MRPL42: variants seen among roughly 807,000 people sequenced by gnomAD.
MRPL42 encodes the protein mitochondrial ribosomal protein L42, also known as large ribosomal subunit protein mL42.
A neutral mutation model predicts 17.9 loss-of-function variants in MRPL42; 17 were observed. That is an observed-to-expected ratio of 0.95 (90% CI 0.65 to 1.42). MRPL42 has a LOEUF of 1.42. Among genes scored for constraint, MRPL42 ranks in the 40% most tolerant of loss-of-function variants. The pLI, the probability that MRPL42 is intolerant of heterozygous loss-of-function variation, is 0.00. For missense variants in MRPL42, 177 were observed against 175.2 expected, an observed-to-expected ratio of 1.01 and a Z score of -0.06; for synonymous variants, 59 against 54.4, an observed-to-expected ratio of 1.08 and a Z score of -0.37.
At chr12:93,479,562 G>T in intron 4 of MRPL42, 90 bp downstream of exon 4, 1 of 674,884 alleles carries the variant, frequency 1.5e-6, no homozygotes. Flanking sequence ...GGAGTCATCT[G>T]ATTTTCTTTG....
intron 3 of MRPL42, 132 bp downstream of exon 3, chr12:93,477,149 A>G: frequency 4.7e-6 from 3 of 641,930 alleles, no homozygotes; most frequent in Non-Finnish European, 7.6e-6. Context: ...TTTAAAAATT[A>G]TTTTAATGAT....
chr12:93,481,782 AC>A (rs1345679535), intron 4 of MRPL42, among the ~76,000 whole-genome samples: 3 of 152,154 alleles, frequency 2.0e-5, no homozygotes, highest in African/African-American at 7.2e-5. Flanking sequence ...ATAGTTAACT[AC>A]CAGTCCCTCT....
intron 4 of MRPL42, among the ~76,000 whole-genome samples, chr12:93,485,007 T>TATATACAC (rs1880662427): frequency 2.3e-4 from 11 of 47,762 alleles, no homozygotes; most frequent in African/African-American, 1.2e-3. Context: ...TATATATATA[T>TATATACAC]ATATATATAT....
At chr12:93,474,821 T>C (rs1880081819) in intron 2 of MRPL42, among the ~76,000 whole-genome samples, 1 of 151,652 alleles carries the variant, frequency 6.6e-6, no homozygotes, top group East Asian at 1.9e-4. Flanking sequence ...CCAGGTGCAG[T>C]GGCTCACACT....
chr12:93,497,744 GAAA>G (rs34441413), intron 5 of MRPL42, among the ~76,000 whole-genome samples: 2 of 142,186 alleles, frequency 1.4e-5, no homozygotes, highest in Admixed American at 7.1e-5. Context: ...AATCAGGCAA[GAAA>G]AAAAAAAAAG....
intron 2 of MRPL42, among the ~76,000 whole-genome samples, chr12:93,470,132 G>A (rs1879838971): frequency 6.6e-6 from 1 of 152,042 alleles, no homozygotes; most frequent in African/African-American, 2.4e-5. Flanking sequence ...TTGGTGGATT[G>A]TCATTGTGTT....
chr12:93,491,253 A>G (rs1953407658), intron 5 of MRPL42, among the ~76,000 whole-genome samples: 2 of 152,232 alleles, frequency 1.3e-5, no homozygotes, highest in Non-Finnish European at 2.9e-5. Context: ...ATAAAATAGA[A>G]GTGTTCTCTA....
At position 93,469,263 on chromosome 12, in the gene MRPL42, C is replaced by A. The variant is rs758085313; in HGVS notation, c.-23C>A. 25 of 1,587,426 alleles carry A rather than the reference C, an allele frequency of 1.6e-5. 1 individual carries two copies. The Middle Eastern group carries it at 1.0e-3, about 64-fold the overall frequency. ...CTTCAGAACATCTTTTTTCATACCA[C>A]TTGATAAGCATCTTGAAACACCATG... On this transcript the variant is annotated 5_prime_UTR_variant, in exon 2 of 6. Coordinates refer to ENST00000549982, the MANE Select transcript of MRPL42 (RefSeq NM_014050.4).
chr12:93,476,857 C>T (rs1029080201), intron 2 of MRPL42, 97 bp from the exon 3 acceptor site: 40 of 1,127,708 alleles, frequency 3.5e-5, no homozygotes, highest in Non-Finnish European at 5.1e-5. Flanking sequence ...TCATACTAAA[C>T]AGTAATGTTG....
At chr12:93,496,891 T>A (rs969864478) in intron 5 of MRPL42, among the ~76,000 whole-genome samples, 1 of 152,050 alleles carries the variant, frequency 6.6e-6, no homozygotes, top group East Asian at 1.9e-4. Flanking sequence ...AGGCTCACTG[T>A]AACCTCCGTC....
rs118058983 is a variant in MRPL42 at position 93,502,803 on chromosome 12, C to A, written c.*1582C>A. 1 of 152,146 alleles carries A rather than the reference C, an allele frequency of 6.6e-6. No individual in the cohort carries two copies. Among genetic ancestry groups the A allele is most frequent in the Non-Finnish European group, 1.5e-5 (1 of 68,016 alleles). The allele number at this position is 152,146 out of a possible 1,614,324, so 9.4% of individuals were successfully genotyped here. On this transcript the variant is annotated 3_prime_UTR_variant, in exon 6 of 6. Transcript: ENST00000549982. ...ATGATTATGAAGATTTTCTTCTCTT[C>A]CGAGTACAAAGCTCTGCTAAATAAG...
In MRPL42 at chr12:93,513,677, C is replaced by T. The variant is rs543712641; in HGVS notation, c.*12456C>T. ...GTTTTTAAATAATTTTTTCTCTTTC[C>T]GTTTTATGTGTGTTCCAATTCTATT... On this transcript the variant is annotated 3_prime_UTR_variant, in exon 6 of 6. Transcript: ENST00000549982. The T allele has an allele frequency of 2.8e-4, 43 of 151,816 alleles. No individual in the cohort carries two copies. The South Asian group carries it at 6.7e-3, about 24-fold the overall frequency. The allele number at this position is 151,816 out of a possible 1,614,324, so 9.4% of individuals were successfully genotyped here. A position where few individuals can be genotyped will look rare whatever the true frequency, so the allele number is the denominator to read the frequency against.
intron 2 of MRPL42, among the ~76,000 whole-genome samples, chr12:93,475,361 C>T (rs1180436165): frequency 2.0e-5 from 3 of 151,984 alleles, no homozygotes; most frequent in African/African-American, 7.2e-5. Context: ...AGTGATCCAC[C>T]TGCCCTGGCC....
chr12:93,479,476 T>A lies in MRPL42; in HGVS notation c.219+4T>A. The A allele has an allele frequency of 1.3e-6, 2 of 1,596,010 alleles. No homozygotes were observed. Among genetic ancestry groups the A allele is most frequent in the South Asian group, 1.1e-5 (1 of 89,332 alleles). On this transcript the variant is annotated splice_donor_region_variant and intron_variant, in intron 4 of 5. Transcript: ENST00000549982. ...CATTCCATATGAACACACAAAAGTATGTATGAGAAAATTTCTTGCAGTTTT... is the reference window on the plus strand; with the variant it reads ...CATTCCATATGAACACACAAAAGTAAGTATGAGAAAATTTCTTGCAGTTTT...
intron 1 of MRPL42, 32 bp from the exon 2 acceptor site, chr12:93,469,160 G>A: frequency 1.5e-6 from 1 of 653,122 alleles, no homozygotes; most frequent in South Asian, 2.2e-5. Context: ...TTTACCATAG[G>A]TAGCACTGAT....
chr12:93,497,171 T>C (rs1001324217), intron 5 of MRPL42, among the ~76,000 whole-genome samples: 1 of 152,040 alleles, frequency 6.6e-6, no homozygotes, highest in African/African-American at 2.4e-5. Context: ...ACTGATACTA[T>C]TCCCCCAACA....
chr12:93,478,593 T>G (rs1880299923), intron 3 of MRPL42, among the ~76,000 whole-genome samples: 1 of 152,186 alleles, frequency 6.6e-6, no homozygotes. Flanking sequence ...ATAATAGCGA[T>G]GAAATTGGAA....
At chr12:93,485,167 T>C (rs1339081274) in intron 4 of MRPL42, among the ~76,000 whole-genome samples, 1 of 145,268 alleles carries the variant, frequency 6.9e-6, no homozygotes, top group Non-Finnish European at 1.5e-5. Flanking sequence ...TTGCCTTTTT[T>C]TTTTTTTTTA....
rs1384999859 is a variant in MRPL42, at chr12:93,487,594, G to C, written c.317G>C (p.Gly106Ala). ...GAAAAAGTTGAACACCTTGAGGAAGGACCTATGATAGAACAACTTAGCAAA... is the reference window on the plus strand; with the variant it reads ...GAAAAAGTTGAACACCTTGAGGAAGCACCTATGATAGAACAACTTAGCAAA... Reference protein sequence around the residue: ...LEEKVEHLEEGPMIEQLSKMF... With the variant: ...LEEKVEHLEEAPMIEQLSKMF... Residue 106 changes from glycine to alanine, a missense_variant, in exon 5 of 6, where the codon GGA becomes GCA. Transcript: ENST00000549982. The C allele has an allele frequency of 1.9e-6, 3 of 1,613,132 alleles. No individual in the cohort carries two copies. Among genetic ancestry groups the C allele is most frequent in the Non-Finnish European group, 2.5e-6 (3 of 1,179,300 alleles).
Sources: allele counts gnomAD v4.1 joint callset (sites outside exome capture counted in the v4.1 genomes callset), GRCh38; gene constraint gnomAD v4.1.1; transcripts MANE v1.5; gene names NCBI Gene and HGNC (gene_info 2026-07-23, HGNC 2026-07-21).